WRN: variants seen among roughly 807,000 people sequenced by gnomAD.
WRN encodes the protein bifunctional 3'-5' exonuclease/ATP-dependent helicase WRN.
In WRN, 149 loss-of-function variants were observed where a neutral mutation model predicts 180.7. That is an observed-to-expected ratio of 0.82 (90% CI 0.72 to 0.94). The LOEUF is 0.94. WRN is among the 40% of genes least tolerant of loss of function. WRN has a pLI of 0.00. For synonymous variants in WRN, 548 were observed against 568.9 expected (o/e 0.96, Z 0.52); for missense variants, 1,661 against 1,700.1 (o/e 0.98, Z 0.40).
intron 10 of WRN, among the ~76,000 whole-genome samples, chr8:31,084,288 C>T (rs942535102): frequency 2.0e-5 from 3 of 152,140 alleles, no homozygotes; most frequent in Non-Finnish European, 2.9e-5. Context: ...TGTGAGCCAC[C>T]ACACCTGGCC....
chr8:31,129,627 TA>T (rs1418274697), intron 23 of WRN, among the ~76,000 whole-genome samples: 1 of 152,114 alleles, frequency 6.6e-6, no homozygotes, highest in South Asian at 2.1e-4. Flanking sequence ...AACTGGAAAT[TA>T]AAAAAAATTT....
chr8:31,169,645 C>T (rs1195096645), intron 34 of WRN, among the ~76,000 whole-genome samples: 7 of 152,126 alleles, frequency 4.6e-5, no homozygotes, highest in South Asian at 4.1e-4. Context: ...CAAAAGAAGG[C>T]GTGGTTCAAG....
At chr8:31,083,553 C>G (rs1160329205) in intron 9 of WRN, 146 bp from the exon 10 acceptor site, 1 of 418,174 alleles carries the variant, frequency 2.4e-6, no homozygotes, top group Non-Finnish European at 4.3e-6. Flanking sequence ...TTTTATCTAT[C>G]ATATAAATAT....
chr8:31,158,306 G>T (rs1803470028), intron 33 of WRN, among the ~76,000 whole-genome samples: 1 of 152,160 alleles, frequency 6.6e-6, no homozygotes, highest in South Asian at 2.1e-4. Context: ...TCTGTGGGCC[G>T]CTACGTAGAA....
intron 34 of WRN, 69 bp from the exon 35 acceptor site, chr8:31,172,926 T>C (rs1049268806): frequency 4.1e-6 from 6 of 1,453,192 alleles, no homozygotes; most frequent in Non-Finnish European, 5.8e-6. Flanking sequence ...CTTATGTTAC[T>C]TTTTTGCAAC....
chr8:31,096,686 T>G, intron 16 of WRN, 82 bp from the exon 17 acceptor site: 34 of 1,126,658 alleles, frequency 3.0e-5, no homozygotes, highest in Non-Finnish European at 3.7e-5. Context: ...TGTAATTCCT[T>G]GAGATGATTG....
intron 1 of WRN, among the ~76,000 whole-genome samples, chr8:31,057,735 ATATGT>A (rs1470334787): frequency 6.6e-6 from 1 of 151,954 alleles, no homozygotes; most frequent in Non-Finnish European, 1.5e-5. Context: ...AACAAAACAA[ATATGT>A]TCTGTTTTTT....
intron 27 of WRN, 95 bp from the exon 28 acceptor site, chr8:31,143,452 GAAA>G: frequency 1.2e-6 from 1 of 817,416 alleles, no homozygotes; most frequent in South Asian, 1.6e-5. Flanking sequence ...ATTAGGCAAA[GAAA>G]AAATTGTGAT....
Position 31,064,927 on chromosome 8 carries a change from G to A in WRN, c.368G>A (p.Gly123Glu). The change falls in exon 5 of 35, where the codon GGA (glycine) becomes GAA (glutamate). Residue 123 changes from glycine (G) to glutamate (E), a missense_variant. Coordinates refer to ENST00000298139, the MANE Select transcript of WRN (RefSeq NM_000553.6). Reference sequence around the variant, plus strand: ...GAAAATGTTACAGTTTTTCCCCAGGGATTAAAAATGTTGCTTGAAAATAAA... The same window carrying A: ...GAAAATGTTACAGTTTTTCCCCAGGAATTAAAAATGTTGCTTGAAAATAAA... Reference protein sequence around the residue: ...HVSSMSVFPQGLKMLLENKAV... With the variant: ...HVSSMSVFPQELKMLLENKAV... 1 of 1,613,528 alleles carries A rather than the reference G, an allele frequency of 6.2e-7. No homozygotes were observed. Among genetic ancestry groups the A allele is most frequent in the Non-Finnish European group, 8.5e-7 (1 of 1,179,720 alleles).
At chr8:31,116,297 G>A (rs1801513005) in intron 19 of WRN, 57 bp from the exon 20 acceptor site, 1 of 1,576,818 alleles carries the variant, frequency 6.3e-7, no homozygotes, top group Non-Finnish European at 8.7e-7. Flanking sequence ...AAACCAAACG[G>A]GTCTGAAGCA....
rs1554530525 is a variant in WRN at position 31,131,160 on chromosome 8, C to CTTTTTTTTCTTTTTT, written c.2826-1197_2826-1196insCTTTTTTTTTTTTTT. On this transcript the variant is annotated intron_variant, in intron 23 of 34. Transcript: ENST00000298139. ...TGTGGTGGAACCAAATTGCAACTTT[C>CTTTTTTTTCTTTTTT]TTTTTTTTTGAGACAGAGTTTTGCT... Among the ~76,000 whole-genome samples the CTTTTTTTTCTTTTTT allele has an allele frequency of 1.9e-5, 2 of 106,840 alleles. 1 individual carries two copies. 70.1% of individuals were successfully genotyped at this position (106,840 alleles called of 152,430 possible).
chr8:31,081,461 G>T (rs888002667), intron 9 of WRN, among the ~76,000 whole-genome samples, 165 bp downstream of exon 9: 1 of 152,224 alleles, frequency 6.6e-6, no homozygotes, highest in Admixed American at 6.5e-5. Flanking sequence ...ACAGACAAAT[G>T]TAAACAAATG....
At chr8:31,068,124 G>A (rs1357340308) in intron 6 of WRN, 134 bp from the exon 7 acceptor site, 4 of 654,790 alleles carry the variant, frequency 6.1e-6, no homozygotes, top group Non-Finnish European at 1.1e-5. Flanking sequence ...ATTGATATTT[G>A]TGTCACATAA....
intron 1 of WRN, among the ~76,000 whole-genome samples, chr8:31,040,746 C>T (rs10808311): frequency 0.44 from 67,190 of 151,936 alleles, 17,710 homozygotes; most frequent in East Asian, 0.59. Context: ...AACAGAGATG[C>T]TATTATAGAT....
chr8:31,125,537 G>GATATATATATACATATATAT (rs1801889654), intron 23 of WRN, among the ~76,000 whole-genome samples: 2 of 63,766 alleles, frequency 3.1e-5, no homozygotes, highest in Admixed American at 2.2e-4. Context: ...ATATTATGGA[G>GATATATATATACATATATAT]ATATATATAT....
At chr8:31,037,420 G>C (rs1811491731) in intron 1 of WRN, among the ~76,000 whole-genome samples, 1 of 152,170 alleles carries the variant, frequency 6.6e-6, no homozygotes, top group Non-Finnish European at 1.5e-5. Context: ...AACAGGCCAT[G>C]GACTGGTACT....
At chr8:31,172,883 A>G (rs1683948428) in intron 34 of WRN, 112 bp from the exon 35 acceptor site, 8 of 842,484 alleles carry the variant, frequency 9.5e-6, no homozygotes, top group Non-Finnish European at 1.6e-5. Flanking sequence ...TTTTGTTTGG[A>G]TGGGGGAGAA....
chr8:31,112,881 C>T (rs1801372444), intron 19 of WRN, among the ~76,000 whole-genome samples: 1 of 152,098 alleles, frequency 6.6e-6, no homozygotes, highest in Non-Finnish European at 1.5e-5. Context: ...GGCCACTGCG[C>T]CTGGCCAGTT....
intron 30 of WRN, among the ~76,000 whole-genome samples, chr8:31,148,212 T>A (rs118061129): frequency 1.3e-5 from 2 of 152,120 alleles, no homozygotes; most frequent in African/African-American, 2.4e-5. Flanking sequence ...ATACTTTTCA[T>A]ACCTTTTGTA....
Sources: allele counts gnomAD v4.1 joint callset (sites outside exome capture counted in the v4.1 genomes callset), GRCh38; gene constraint gnomAD v4.1.1; transcripts MANE v1.5; gene names NCBI Gene and HGNC (gene_info 2026-07-23, HGNC 2026-07-21).